The following ABI3BP variants were observed in gnomAD, a reference collection of about 807,000 sequenced individuals.
The protein encoded by ABI3BP is ABI family member 3 binding protein.
A neutral mutation model predicts 268.6 loss-of-function variants in ABI3BP; 216 were observed. The observed-to-expected ratio is 0.80, with a 90% CI of 0.72 to 0.90. ABI3BP has a LOEUF of 0.90. ABI3BP is among the 40% of genes least tolerant of loss of function. The probability of loss-of-function intolerance (pLI) is 0.00; values close to 1 mark genes in which losing one functional copy is unlikely to be tolerated. For synonymous variants in ABI3BP, 730 were observed against 730.0 expected (o/e 1.00, Z 0.00); for missense variants, 2,090 against 2,182.4 (o/e 0.96, Z 0.84).
chr3:100,811,665 T>A, intron 47 of ABI3BP, 63 bp downstream of exon 47: 1 of 1,456,606 alleles, frequency 6.9e-7, no homozygotes, highest in Non-Finnish European at 9.3e-7. Context: ...ATTCCGTGGA[T>A]GTAACTGATG....
At chr3:100,938,882 G>A (rs1450420767) in intron 1 of ABI3BP, among the ~76,000 whole-genome samples, 2 of 152,070 alleles carry the variant, frequency 1.3e-5, no homozygotes. Context: ...AAAGAACAAA[G>A]TAGGTAAAAG....
At chr3:100,816,842 T>A in intron 42 of ABI3BP, 74 bp from the exon 43 acceptor site, 1 of 1,029,036 alleles carries the variant, frequency 9.7e-7, no homozygotes, top group Non-Finnish European at 1.4e-6. Flanking sequence ...TAAAGGTATG[T>A]CATATTTCCT....
rs1411284906 is a variant in ABI3BP at position 100,750,233 on chromosome 3, TC to T, written c.*261del. 1 of 313,014 alleles carries T rather than the reference TC, an allele frequency of 3.2e-6. No individual in the cohort carries two copies. Among genetic ancestry groups the T allele is most frequent in the African/African-American group, 2.2e-5 (1 of 46,472 alleles). 19.4% of individuals were successfully genotyped at this position (313,014 alleles called of 1,614,324 possible). On this transcript the variant is annotated 3_prime_UTR_variant, in exon 68 of 68. Transcript: ENST00000471714. Reference sequence around the variant, plus strand: ...TGTGATAAATAATATACAAATGATCTCTTAAAATACCATGAATAGGGAGCCA... The same window carrying T: ...TGTGATAAATAATATACAAATGATCTTTAAAATACCATGAATAGGGAGCCA...
chr3:100,864,498 A>G (rs1025092184), intron 11 of ABI3BP: 3 of 319,714 alleles, frequency 9.4e-6, no homozygotes, highest in Non-Finnish European at 1.7e-5. Context: ...CAGAGTCAAG[A>G]CTTCCAGGTT....
chr3:100,920,918 G>A (rs2060021690), intron 2 of ABI3BP, among the ~76,000 whole-genome samples: 1 of 152,124 alleles, frequency 6.6e-6, no homozygotes, highest in African/African-American at 2.4e-5. Flanking sequence ...CTCACATCAT[G>A]CTGCCTCTCA....
chr3:100,895,788 A>G (rs144032950), intron 4 of ABI3BP, among the ~76,000 whole-genome samples: 1 of 152,358 alleles, frequency 6.6e-6, no homozygotes, highest in African/African-American at 2.4e-5. Context: ...AAAATTATGC[A>G]TGAACATATG....
intron 4 of ABI3BP, among the ~76,000 whole-genome samples, chr3:100,894,943 A>AAAAAAAC (rs2046701074): frequency 1.0e-5 from 1 of 100,328 alleles, no homozygotes; most frequent in Non-Finnish European, 2.3e-5. Flanking sequence ...CGCTTCAAAA[A>AAAAAAAC]AAAAAAAAAA....
chr3:100,868,858 GT>G (rs3031644), intron 9 of ABI3BP, among the ~76,000 whole-genome samples: 27 of 151,380 alleles, frequency 1.8e-4, no homozygotes, highest in Non-Finnish European at 3.1e-4. Context: ...AATTTTATCA[GT>G]TTTTTTTCTG....
At chr3:100,757,355 A>G (rs1264793292) in intron 63 of ABI3BP, among the ~76,000 whole-genome samples, 2 of 152,214 alleles carry the variant, frequency 1.3e-5, no homozygotes, top group Non-Finnish European at 2.9e-5. Context: ...ACAAAATTTC[A>G]GAGTACTGGG....
intron 62 of ABI3BP, among the ~76,000 whole-genome samples, chr3:100,769,921 T>C (rs1201477393): frequency 1.3e-5 from 2 of 152,194 alleles, no homozygotes; most frequent in Non-Finnish European, 2.9e-5. Context: ...GAGACATAGC[T>C]GCTGTTTTCC....
chr3:100,797,023 T>C (rs561340350), intron 51 of ABI3BP, among the ~76,000 whole-genome samples: 4 of 152,206 alleles, frequency 2.6e-5, no homozygotes, highest in African/African-American at 9.6e-5. Flanking sequence ...CATTAGAAGA[T>C]ACCACATGTA....
chr3:100,923,492 C>T (rs1463357477), intron 2 of ABI3BP, among the ~76,000 whole-genome samples: 1 of 152,086 alleles, frequency 6.6e-6, no homozygotes, highest in Non-Finnish European at 1.5e-5. Context: ...ATAAGGCATA[C>T]ATAAGTGATA....
chr3:100,783,515 G>A (rs925015698), intron 57 of ABI3BP, among the ~76,000 whole-genome samples: 4 of 152,228 alleles, frequency 2.6e-5, no homozygotes, highest in Non-Finnish European at 5.9e-5. Context: ...GAAAGTCAGA[G>A]AGATTGTCTA....
intron 1 of ABI3BP, among the ~76,000 whole-genome samples, chr3:100,959,512 A>G (rs1429111285): frequency 1.8e-4 from 27 of 151,244 alleles, no homozygotes; most frequent in African/African-American, 6.0e-4. Flanking sequence ...AAAAAAAAAA[A>G]AAGAATAAGG....
Position 100,775,337 on chromosome 3 carries a change from T to C in ABI3BP, c.4334-2A>G, listed in dbSNP as rs1392981415. 2 of 1,600,686 alleles carry C rather than the reference T, an allele frequency of 1.2e-6. No individual in the cohort carries two copies. On this transcript the variant is annotated splice_acceptor_variant, in intron 59 of 67. Coordinates refer to ENST00000471714, the MANE Select transcript of ABI3BP (RefSeq NM_001375547.2). LOFTEE classifies it high-confidence loss of function. ...TTATTGGGCCTGATGAAATGATTCC[T>C]GTAAAGTAGAGCCAAAGTAGTCAGG...
intron 20 of ABI3BP, chr3:100,844,468 G>C: frequency 1.0e-6 from 1 of 985,228 alleles, no homozygotes; most frequent in South Asian, 4.7e-5. Context: ...CAAAGCCAAA[G>C]GAAAAGGAGC....
intron 2 of ABI3BP, among the ~76,000 whole-genome samples, chr3:100,919,300 A>G (rs1010006040): frequency 6.6e-6 from 1 of 152,186 alleles, no homozygotes; most frequent in South Asian, 2.1e-4. Flanking sequence ...AATAAACAGT[A>G]TCAATCTCTA....
At chr3:100,917,301 G>T (rs2058902930) in intron 2 of ABI3BP, among the ~76,000 whole-genome samples, 1 of 152,170 alleles carries the variant, frequency 6.6e-6, no homozygotes, top group Non-Finnish European at 1.5e-5. Context: ...ATAACCTAAT[G>T]CTGGCTTTCA....
chr3:100,960,046 T>C (rs1186907241), intron 1 of ABI3BP, among the ~76,000 whole-genome samples: 1 of 152,204 alleles, frequency 6.6e-6, no homozygotes, highest in East Asian at 1.9e-4. Flanking sequence ...GACTTTGATA[T>C]GACACAGATG....
Sources: gnomAD v4.1 joint callset for allele counts (sites outside exome capture counted in the v4.1 genomes callset) on GRCh38, gnomAD v4.1.1 for gene constraint, MANE v1.5 for transcripts, NCBI Gene and HGNC (gene_info 2026-07-23, HGNC 2026-07-21) for gene names.